SLC35F3: variants seen among roughly 807,000 people sequenced by gnomAD.
SLC35F3 encodes putative thiamine transporter SLC35F3.
A neutral mutation model predicts 49.9 loss-of-function variants in SLC35F3; 25 were observed. The observed-to-expected ratio is 0.50, with a 90% confidence interval of 0.37 to 0.70. The LOEUF is 0.70. SLC35F3 is among the 30% of genes least tolerant of loss of function. The pLI is 0.00. For synonymous variants in SLC35F3, 275 were observed against 265.4 expected, an observed-to-expected ratio of 1.04 and a Z score of -0.35; for missense variants, 525 against 639.8, an observed-to-expected ratio of 0.82 and a Z score of 1.94.
intron 2 of SLC35F3, among the ~76,000 whole-genome samples, chr1:234,031,485 C>T (rs531328922): frequency 1.3e-5 from 2 of 152,284 alleles, no homozygotes; most frequent in African/African-American, 4.8e-5. Flanking sequence ...TGTATTGCTC[C>T]AGCATTAACA....
rs918955934 is a variant in SLC35F3, at chr1:234,320,948, C to A, written c.1237+761C>A. On this transcript the variant is annotated intron_variant, in intron 7 of 7. Transcript: ENST00000366618. The surrounding 1 kb of genome is among the most constrained non-coding windows in gnomAD (Gnocchi z 4.8). ...GCCAGAAAAGGGCTGTGAATCTGTCCTCCCCAGAACACTCACTCCTTTGTC... is the reference window on the plus strand; with the variant it reads ...GCCAGAAAAGGGCTGTGAATCTGTCATCCCCAGAACACTCACTCCTTTGTC... Among the ~76,000 whole-genome samples, 16 of 152,134 alleles carry A rather than the reference C, an allele frequency of 1.1e-4. No individual in the cohort carries two copies. The highest frequency in any genetic ancestry group is 2.1e-4 in the Non-Finnish European group (14 of 68,026).
chr1:233,966,769 G>A (rs1024796836), intron 2 of SLC35F3, among the ~76,000 whole-genome samples: 2 of 152,150 alleles, frequency 1.3e-5, no homozygotes, highest in African/African-American at 4.8e-5. Flanking sequence ...TTCTGCAAAG[G>A]ATCAAATACA....
At chr1:234,134,606 T>TGAG (rs1665783189) in intron 2 of SLC35F3, among the ~76,000 whole-genome samples, 2 of 151,946 alleles carry the variant, frequency 1.3e-5, no homozygotes, top group Non-Finnish European at 2.9e-5. Flanking sequence ...GTCTCAACCC[T>TGAG]GCCTGCACAT....
At chr1:234,161,547 G>T (rs1178146594) in intron 2 of SLC35F3, among the ~76,000 whole-genome samples, 1 of 152,086 alleles carries the variant, frequency 6.6e-6, no homozygotes, top group African/African-American at 2.4e-5. Context: ...GATCACTTGA[G>T]CCCAGGAGTT....
At chr1:234,099,267 G>C (rs1665177936) in intron 2 of SLC35F3, among the ~76,000 whole-genome samples, 1 of 152,018 alleles carries the variant, frequency 6.6e-6, no homozygotes, top group Non-Finnish European at 1.5e-5. Context: ...AATAATATTG[G>C]GAATGATAAT....
chr1:234,208,042 C>T (rs1666999166), intron 2 of SLC35F3, among the ~76,000 whole-genome samples: 1 of 152,138 alleles, frequency 6.6e-6, no homozygotes, highest in African/African-American at 2.4e-5. Context: ...GAAAAATATA[C>T]AGCTGGAAAA....
chr1:234,207,786 G>A (rs1165980512), intron 2 of SLC35F3, among the ~76,000 whole-genome samples: 4 of 152,138 alleles, frequency 2.6e-5, no homozygotes, highest in Non-Finnish European at 5.9e-5. Context: ...AGGATTGCTT[G>A]AGACCAGGAG....
chr1:234,252,692 AT>A (rs1304680619), intron 3 of SLC35F3, among the ~76,000 whole-genome samples: 2 of 152,220 alleles, frequency 1.3e-5, no homozygotes, highest in African/African-American at 4.8e-5. Context: ...TAACAAATAA[AT>A]TTTAAAAAGG....
intron 2 of SLC35F3, among the ~76,000 whole-genome samples, chr1:233,906,637 G>T (rs12733358): frequency 0.021 from 3,159 of 152,192 alleles, 43 homozygotes; most frequent in Non-Finnish European, 0.027. Context: ...TTGTAATAAA[G>T]ACTAGATTAA....
chr1:234,150,504 A>G (rs553741436), intron 2 of SLC35F3, among the ~76,000 whole-genome samples: 2 of 152,254 alleles, frequency 1.3e-5, no homozygotes, highest in African/African-American at 4.8e-5. Flanking sequence ...TAATGCTAAC[A>G]TTTTTAAAAA....
Position 234,316,350 on chromosome 1 carries a change from C to T in SLC35F3, c.829-252C>T, listed in dbSNP as rs189631249. Among the ~76,000 whole-genome samples the T allele has an allele frequency of 2.2e-3, 337 of 152,302 alleles. 3 individuals carry two copies. Among genetic ancestry groups the T allele is most frequent in the African/African-American group, 7.8e-3 (325 of 41,552 alleles). Reference sequence around the variant, plus strand: ...CAGTGACTGGCCACCACCATGCCACCCATTCCCTGCTGCCAGCAGTTTCAG... The same window carrying T: ...CAGTGACTGGCCACCACCATGCCACTCATTCCCTGCTGCCAGCAGTTTCAG... On this transcript the variant is annotated intron_variant, in intron 4 of 7. Coordinates refer to ENST00000366618, the MANE Select transcript of SLC35F3 (RefSeq NM_173508.4).
At chr1:234,070,033 C>T (rs1457385198) in intron 2 of SLC35F3, among the ~76,000 whole-genome samples, 1 of 152,202 alleles carries the variant, frequency 6.6e-6, no homozygotes, top group African/African-American at 2.4e-5. Context: ...TTCCAACCAC[C>T]TCCTCCACCA....
chr1:234,251,693 G>A (rs1376324025), intron 3 of SLC35F3, among the ~76,000 whole-genome samples: 1 of 152,128 alleles, frequency 6.6e-6, no homozygotes, highest in Non-Finnish European at 1.5e-5. Flanking sequence ...AAGAGCAATA[G>A]GGAGAACTAG....
At chr1:234,233,737 G>A (rs1351961433) in intron 3 of SLC35F3, among the ~76,000 whole-genome samples, 1 of 152,220 alleles carries the variant, frequency 6.6e-6, no homozygotes, top group Admixed American at 6.5e-5. Context: ...CCTGTTAACT[G>A]GCGAACAATG....
At chr1:233,973,697 A>G (rs1663030467) in intron 2 of SLC35F3, among the ~76,000 whole-genome samples, 1 of 152,228 alleles carries the variant, frequency 6.6e-6, no homozygotes, top group African/African-American at 2.4e-5. Flanking sequence ...CAAGGCAGAC[A>G]CTTCCACTGA....
intron 2 of SLC35F3, among the ~76,000 whole-genome samples, chr1:234,052,733 G>C (rs1249526267): frequency 2.6e-5 from 4 of 152,058 alleles, no homozygotes; most frequent in Non-Finnish European, 5.9e-5. Flanking sequence ...TGATATTAAG[G>C]TGTCAATTTT....
chr1:234,266,750 A>G (rs1667984853), intron 3 of SLC35F3, among the ~76,000 whole-genome samples: 1 of 152,120 alleles, frequency 6.6e-6, no homozygotes, highest in South Asian at 2.1e-4. Flanking sequence ...AATGGTAAGT[A>G]TTTTTATATC....
At chr1:233,969,577 T>G (rs1662959559) in intron 2 of SLC35F3, among the ~76,000 whole-genome samples, 1 of 152,210 alleles carries the variant, frequency 6.6e-6, no homozygotes, top group Non-Finnish European at 1.5e-5. Context: ...GCTCCCCTGC[T>G]TCTTCAAAGA....
chr1:233,954,657 A>G (rs1662665547), intron 2 of SLC35F3, among the ~76,000 whole-genome samples: 1 of 152,200 alleles, frequency 6.6e-6, no homozygotes, highest in South Asian at 2.1e-4. Context: ...CCTCCCAAAG[A>G]TAAAGGGCTT....
Sources: gnomAD v4.1 joint callset for allele counts (sites outside exome capture counted in the v4.1 genomes callset) on GRCh38, gnomAD v4.1.1 for gene constraint, Gnocchi (gnomAD v3.1) non-coding constraint, MANE v1.5 for transcripts, NCBI Gene and HGNC (gene_info 2026-07-23, HGNC 2026-07-21) for gene names.